CNOT11: variants seen among roughly 807,000 people sequenced by gnomAD.
The protein encoded by CNOT11 is UPF0760 protein C2orf29.
CNOT11 carries 18 observed loss-of-function variants against 44.6 expected under a neutral mutation model. The ratio of observed to expected loss-of-function variants is 0.40; its 90% confidence interval spans 0.28 to 0.60. The LOEUF (loss-of-function observed/expected upper bound fraction) is 0.60, where lower values mean the gene tolerates loss of function less well. CNOT11 is among the 20% of genes least tolerant of loss of function. The pLI, the probability that CNOT11 is intolerant of heterozygous loss-of-function variation, is 0.38. For synonymous variants in CNOT11, 291 were observed against 270.9 expected (o/e 1.07, Z -0.73); for missense variants, 513 against 677.0 (o/e 0.76, Z 2.69).
chr2:101,268,700 C>A (rs1240643309), intron 5 of CNOT11, among the ~76,000 whole-genome samples: 2 of 152,174 alleles, frequency 1.3e-5, no homozygotes, highest in Admixed American at 1.3e-4. Context: ...TTAAAACATT[C>A]CATGTAATCC....
intron 3 of CNOT11, among the ~76,000 whole-genome samples, chr2:101,263,274 A>C (rs1188933983): frequency 6.6e-6 from 1 of 151,736 alleles, no homozygotes; most frequent in African/African-American, 2.4e-5. Context: ...GTAGCAGCTC[A>C]TTATCTTTTT....
chr2:101,269,669 CA>C lies in CNOT11; in HGVS notation c.*262del. On this transcript the variant is annotated 3_prime_UTR_variant, in exon 7 of 7. Coordinates refer to ENST00000289382, the MANE Select transcript of CNOT11 (RefSeq NM_017546.5). The surrounding 1 kb of genome is among the most constrained non-coding windows in gnomAD (Gnocchi z 4.8). ...AATGGCTATCCCAAAAAAAGTTCCGCAAAAAAGTAGATGAGTTTCTTTTTTT... is the reference window on the plus strand; with the variant it reads ...AATGGCTATCCCAAAAAAAGTTCCGCAAAAAGTAGATGAGTTTCTTTTTTT... 1 of 330,338 alleles carries C rather than the reference CA, an allele frequency of 3.0e-6. No homozygotes were observed. The highest frequency in any genetic ancestry group is 4.8e-5 in the East Asian group (1 of 20,716). 20.5% of individuals were successfully genotyped at this position (330,338 alleles called of 1,614,324 possible).
At chr2:101,255,856 G>A (rs1350999950) in intron 1 of CNOT11, among the ~76,000 whole-genome samples, 1 of 152,166 alleles carries the variant, frequency 6.6e-6, no homozygotes, top group African/African-American at 2.4e-5. Context: ...CTGGGTGTAA[G>A]GCCGGGTGTG....
chr2:101,257,543 C>T (rs1558766765), intron 1 of CNOT11, among the ~76,000 whole-genome samples: 1 of 152,050 alleles, frequency 6.6e-6, no homozygotes, highest in African/African-American at 2.4e-5. Flanking sequence ...TTTCCTCTTT[C>T]TTTAACTCTT....
At position 101,253,081 on chromosome 2, in the gene CNOT11, C is replaced by T. The variant is rs1443533473; in HGVS notation, c.117C>T (p.Gly39=). 2 of 1,512,318 alleles carry T rather than the reference C, an allele frequency of 1.3e-6. No homozygotes were observed. Among genetic ancestry groups the T allele is most frequent in the Admixed American group, 2.1e-5 (1 of 46,930 alleles). The allele number at this position is 1,512,318 out of a possible 1,614,324, so 93.7% of individuals were successfully genotyped here. The change falls in exon 1 of 7, where the codon GGC becomes GGT. Residue 39 remains glycine (G), a synonymous_variant. Transcript: ENST00000289382. This position sits in a 1 kb window ranked among gnomAD's most constrained non-coding sequence, Gnocchi z 4.3. ...GGAGCGGCTTCGGGGGCTCCGGCGG[C>T]GGCAGAGGCGGAGCAAGCGGCCCCG... is the stretch of plus-strand genomic sequence containing the variant. ...ASRSGFGGSG[G]GRGGASGPGS...
At chr2:101,258,677 G>A (rs577958119) in intron 2 of CNOT11, among the ~76,000 whole-genome samples, 23 of 151,528 alleles carry the variant, frequency 1.5e-4, no homozygotes, top group East Asian at 7.8e-4. Flanking sequence ...AGAAAAATCC[G>A]GCCAGTCACA....
intron 2 of CNOT11, among the ~76,000 whole-genome samples, chr2:101,259,244 T>C (rs1166497306): frequency 6.6e-6 from 1 of 152,234 alleles, no homozygotes; most frequent in Non-Finnish European, 1.5e-5. Context: ...TATTTGTCTA[T>C]ATGTCTGTCT....
Position 101,264,924 on chromosome 2 carries a change from G to T in CNOT11, c.912G>T (p.Thr304=), listed in dbSNP as rs750424083. 1 of 1,614,000 alleles carries T rather than the reference G, an allele frequency of 6.2e-7. No homozygotes were observed. The highest frequency in any genetic ancestry group is 1.7e-5 in the Admixed American group (1 of 59,996). ...CEDELAWLNP[T]EPDHAIQWDK... is the part of the protein sequence containing the mutation. ...ATGAACTTGCTTGGCTAAACCCCACGGAGCCTGACCACGCGATCCAGTGGG... is the reference window on the plus strand; with the variant it reads ...ATGAACTTGCTTGGCTAAACCCCACTGAGCCTGACCACGCGATCCAGTGGG... The change falls in exon 4 of 7, where the codon ACG becomes ACT. Residue 304 remains threonine, a synonymous_variant. Coordinates refer to ENST00000289382, the MANE Select transcript of CNOT11 (RefSeq NM_017546.5).
At chr2:101,262,731 C>T in intron 3 of CNOT11, 40 bp downstream of exon 3, 1 of 1,553,158 alleles carries the variant, frequency 6.4e-7, no homozygotes, top group South Asian at 1.1e-5. Flanking sequence ...TTGTTTTATT[C>T]TGTCAGCAGG....
chr2:101,253,511 A>G lies in CNOT11; in HGVS notation c.514+33A>G, dbSNP rs1351472495. 7.1e-7 allele frequency: 1 copy of G among 1,405,576 alleles called. No individual in the cohort carries two copies. Among genetic ancestry groups the G allele is most frequent in the East Asian group, 2.8e-5 (1 of 35,240 alleles). 87.1% of individuals were successfully genotyped at this position (1,405,576 alleles called of 1,614,324 possible). ...CTGAAGCCAGCTGTGCCGTGTGGAT[A>G]GCGTTAGATTCCGCAGCTTTCCACC... On this transcript the variant is annotated intron_variant, in intron 1 of 6. Transcript: ENST00000289382. The surrounding 1 kb of genome is among the most constrained non-coding windows in gnomAD (Gnocchi z 4.3).
intron 3 of CNOT11, among the ~76,000 whole-genome samples, chr2:101,264,207 A>G (rs1468861892): frequency 1.3e-5 from 2 of 152,216 alleles, no homozygotes; most frequent in Non-Finnish European, 2.9e-5. Context: ...TAACTCAGGG[A>G]TGAATCTTGT....
At chr2:101,268,541 C>T (rs1682042706) in intron 5 of CNOT11, among the ~76,000 whole-genome samples, 2 of 152,220 alleles carry the variant, frequency 1.3e-5, no homozygotes, top group Admixed American at 1.3e-4. Context: ...CAGCTCATGA[C>T]AGTGTCCTTG....
chr2:101,265,726 G>T (rs1196814811), intron 4 of CNOT11, among the ~76,000 whole-genome samples: 1 of 152,148 alleles, frequency 6.6e-6, no homozygotes, highest in South Asian at 2.1e-4. Flanking sequence ...CTGACAGGCT[G>T]TAGGGAGGAA....
At chr2:101,267,824 C>G (rs1425766522) in intron 5 of CNOT11, among the ~76,000 whole-genome samples, 1 of 152,128 alleles carries the variant, frequency 6.6e-6, no homozygotes, top group Admixed American at 6.5e-5. Flanking sequence ...ATCCTGAGCT[C>G]CCTTTCACGT....
intron 3 of CNOT11, among the ~76,000 whole-genome samples, chr2:101,264,301 T>A (rs939440628): frequency 2.6e-5 from 4 of 152,210 alleles, no homozygotes; most frequent in African/African-American, 9.7e-5. Context: ...ATTTGTGAAT[T>A]TAGGGATTCG....
intron 5 of CNOT11, among the ~76,000 whole-genome samples, 165 bp from the exon 6 acceptor site, chr2:101,268,875 G>A (rs1682051165): frequency 6.6e-6 from 1 of 152,192 alleles, no homozygotes; most frequent in East Asian, 1.9e-4. Context: ...GAGTAAGTAG[G>A]TATGGCTCTT....
rs773824817 is a variant in CNOT11, at chr2:101,269,458, GTGA to G, written c.*47_*49del. The G allele has an allele frequency of 4.5e-6, 7 of 1,565,292 alleles. No homozygotes were observed. The highest frequency in any genetic ancestry group is 6.1e-6 in the Non-Finnish European group (7 of 1,138,736). ...CATCCATTCACTGTTCAGCTGTACT[GTGA>G]TTTAGTTTTTACACCGTTAAAACCC... is the stretch of plus-strand genomic sequence containing the variant. On this transcript the variant is annotated 3_prime_UTR_variant, in exon 7 of 7. Coordinates refer to ENST00000289382, the MANE Select transcript of CNOT11 (RefSeq NM_017546.5). The surrounding 1 kb of genome is among the most constrained non-coding windows in gnomAD (Gnocchi z 4.8).
rs1198957028 is a variant in CNOT11 at position 101,253,109 on chromosome 2, TCCGGGAGCGGAGGCCCGGGGG to T, written c.146_166del (p.Ser49_Gly56delinsCys). The T allele has an allele frequency of 6.6e-7, 1 of 1,517,028 alleles. No homozygotes were observed. Among genetic ancestry groups the T allele is most frequent in the Non-Finnish European group, 8.8e-7 (1 of 1,140,252 alleles). 94.0% of individuals were successfully genotyped at this position (1,517,028 alleles called of 1,614,324 possible). On this transcript the variant is annotated inframe_deletion, in exon 1 of 7. Coordinates refer to ENST00000289382, the MANE Select transcript of CNOT11 (RefSeq NM_017546.5). This position sits in a 1 kb window ranked among gnomAD's most constrained non-coding sequence, Gnocchi z 4.3. ...CAGAGGCGGAGCAAGCGGCCCCGGG[TCCGGGAGCGGAGGCCCGGGGG>T]GCCCCGCGGGCAGGATGAGCTTGAC...
At position 101,253,323 on chromosome 2, in the gene CNOT11, G is replaced by C; in HGVS notation, c.359G>C (p.Ser120Thr). 1 of 1,606,366 alleles carries C rather than the reference G, an allele frequency of 6.2e-7. No homozygotes were observed. The highest frequency in any genetic ancestry group is 8.5e-7 in the Non-Finnish European group (1 of 1,179,146). The change falls in exon 1 of 7, where the codon AGC becomes ACC. Residue 120 changes from serine to threonine, a missense_variant. Physicochemically the swap from Ser to Thr is moderately conservative, Grantham distance 58 (BLOSUM62 1). This residue lies in a region of CNOT11 where 259 missense variants were observed against 265.7 expected (regional missense o/e 0.97). Transcript: ENST00000289382. This position sits in a 1 kb window ranked among gnomAD's most constrained non-coding sequence, Gnocchi z 4.3. ...MLLQQPDLLP[S>T]AAQRLTALYL... ...CTCCAGCAGCCCGACCTGCTGCCTAGCGCGGCGCAGCGCCTCACGGCGCTC... is the reference window on the plus strand; with the variant it reads ...CTCCAGCAGCCCGACCTGCTGCCTACCGCGGCGCAGCGCCTCACGGCGCTC...
Sources: allele counts gnomAD v4.1 joint callset (sites outside exome capture counted in the v4.1 genomes callset), GRCh38; gene constraint gnomAD v4.1.1; regional missense constraint gnomAD v4.1.1; non-coding constraint Gnocchi (gnomAD v3.1); transcripts MANE v1.5; gene names NCBI Gene and HGNC (gene_info 2026-07-23, HGNC 2026-07-21).